The following AUTS2 variants were observed in gnomAD, a reference collection of about 807,000 sequenced individuals.
AUTS2 encodes the protein autism susceptibility gene 2 protein.
AUTS2 carries 17 observed loss-of-function variants against 112.4 expected under a neutral mutation model. That is an observed-to-expected ratio of 0.15 (90% CI 0.10 to 0.23). The LOEUF is 0.23. AUTS2 is among the 10% of genes least tolerant of loss of function. The pLI, the probability that AUTS2 is intolerant of heterozygous loss-of-function variation, is 1.00. For missense variants in AUTS2, 1,510 were observed against 1,701.6 expected (o/e 0.89, Z 1.98); for synonymous variants, 751 against 702.7 (o/e 1.07, Z -1.09).
chr7:70,216,046 A>G (rs533779686), intron 4 of AUTS2, among the ~76,000 whole-genome samples: 6 of 152,326 alleles, frequency 3.9e-5, no homozygotes, highest in South Asian at 4.1e-4. Context: ...TTGTAGCCCA[A>G]CTTTCTTTAG....
intron 5 of AUTS2, among the ~76,000 whole-genome samples, chr7:70,520,250 A>G (rs1799587514): frequency 6.6e-6 from 1 of 152,190 alleles, no homozygotes; most frequent in Admixed American, 6.5e-5. Flanking sequence ...ACACACACAC[A>G]TGAGCAAGCT....
chr7:70,209,050 G>A (rs1354614733), intron 4 of AUTS2, among the ~76,000 whole-genome samples: 1 of 152,148 alleles, frequency 6.6e-6, no homozygotes, highest in African/African-American at 2.4e-5. Context: ...ACTGTTGTGT[G>A]GAGAATATGC....
chr7:69,667,673 C>T (rs897254475), intron 1 of AUTS2, among the ~76,000 whole-genome samples: 2 of 152,102 alleles, frequency 1.3e-5, no homozygotes, highest in African/African-American at 4.8e-5. Flanking sequence ...AAGATTTTGA[C>T]AGTGGGGCTG....
intron 6 of AUTS2, among the ~76,000 whole-genome samples, chr7:70,759,429 C>T (rs1442813570): frequency 2.0e-5 from 3 of 152,204 alleles, no homozygotes; most frequent in Non-Finnish European, 4.4e-5. Flanking sequence ...AATCTAGAGC[C>T]GCATCCCAGA....
intron 1 of AUTS2, among the ~76,000 whole-genome samples, chr7:69,801,169 A>G (rs1209458199): frequency 6.6e-6 from 1 of 150,934 alleles, no homozygotes; most frequent in Non-Finnish European, 1.5e-5. Context: ...ACATTTTTTG[A>G]CTGAATAAAA....
chr7:70,100,329 A>G (rs1412636259), intron 2 of AUTS2, among the ~76,000 whole-genome samples: 5 of 152,182 alleles, frequency 3.3e-5, no homozygotes, highest in Admixed American at 2.0e-4. Flanking sequence ...TTATGAATAC[A>G]ACTTTAAGAG....
At chr7:69,961,813 C>T (rs1209302036) in intron 2 of AUTS2, among the ~76,000 whole-genome samples, 2 of 152,214 alleles carry the variant, frequency 1.3e-5, no homozygotes, top group African/African-American at 2.4e-5. Context: ...GTTTTCCTCC[C>T]TTTAATTTAA....
At position 69,967,643 on chromosome 7, in the gene AUTS2, A is replaced by G. The variant is rs142823622; in HGVS notation, c.522+68145A>G. Among the ~76,000 whole-genome samples, 14 of 152,296 alleles carry G rather than the reference A, an allele frequency of 9.2e-5. No individual in the cohort carries two copies. The East Asian group carries it at 2.5e-3, about 27-fold the overall frequency. On this transcript the variant is annotated intron_variant, in intron 2 of 18. Transcript: ENST00000342771. The stretch of plus-strand genomic sequence containing the variant: ...ATACTTGTCATCCTTTGGAAAACTC[A>G]GCATCGGAAAGAAGCCTTTGCTGAC...
At chr7:69,801,112 T>G (rs1230405165) in intron 1 of AUTS2, among the ~76,000 whole-genome samples, 1 of 151,830 alleles carries the variant, frequency 6.6e-6, no homozygotes, top group Non-Finnish European at 1.5e-5. Context: ...GCTCACCATT[T>G]CCTCATTGCT....
In AUTS2 at chr7:69,943,522, A is replaced by T. The variant is rs541061031; in HGVS notation, c.522+44024A>T. On this transcript the variant is annotated intron_variant, in intron 2 of 18. Coordinates refer to ENST00000342771, the MANE Select transcript of AUTS2 (RefSeq NM_015570.4). Reference sequence around the variant, plus strand: ...TTTCTAAATCAAAGCCATTTATTAAATACCTTAGTCATATTGATTCCTGTT... The same window carrying T: ...TTTCTAAATCAAAGCCATTTATTAATTACCTTAGTCATATTGATTCCTGTT... Among the ~76,000 whole-genome samples, 21 of 152,336 alleles carry T rather than the reference A, an allele frequency of 1.4e-4. No individual in the cohort carries two copies. The East Asian group carries it at 3.5e-3, about 25-fold the overall frequency.
chr7:69,951,690 G>T (rs1357325207), intron 2 of AUTS2, among the ~76,000 whole-genome samples: 1 of 152,166 alleles, frequency 6.6e-6, no homozygotes, highest in African/African-American at 2.4e-5. Context: ...ATTCCAAGAT[G>T]GCAGCTGGGT....
At chr7:70,684,832 C>T (rs1223116922) in intron 5 of AUTS2, among the ~76,000 whole-genome samples, 1 of 152,160 alleles carries the variant, frequency 6.6e-6, no homozygotes, top group Non-Finnish European at 1.5e-5. Flanking sequence ...GGAAGAAACT[C>T]TCCGTTACTC....
At chr7:69,846,670 T>C (rs1184243835) in intron 1 of AUTS2, among the ~76,000 whole-genome samples, 1 of 152,132 alleles carries the variant, frequency 6.6e-6, no homozygotes, top group Non-Finnish European at 1.5e-5. Context: ...ACCTCTTGGG[T>C]TCAAGTAATT....
At chr7:70,028,964 T>C (rs553075183) in intron 2 of AUTS2, among the ~76,000 whole-genome samples, 2 of 152,262 alleles carry the variant, frequency 1.3e-5, no homozygotes, top group South Asian at 2.1e-4. Flanking sequence ...TACATAGGAC[T>C]ACTGAGTAAT....
rs144477415 is a variant in AUTS2, at chr7:70,194,059, T to G, written c.660+59488T>G. On this transcript the variant is annotated intron_variant, in intron 4 of 18. Coordinates refer to ENST00000342771, the MANE Select transcript of AUTS2 (RefSeq NM_015570.4). ...CATGAAAAGATGATAAAGGAGACCA[T>G]CTCTTGGATCTGGAAAGTGCTGCGT... 7.2e-5 allele frequency among the ~76,000 whole-genome samples: 11 copies of G among 152,328 alleles called. No individual in the cohort carries two copies. The East Asian group carries it at 2.1e-3, about 29-fold the overall frequency.
intron 2 of AUTS2, among the ~76,000 whole-genome samples, chr7:70,023,802 C>T (rs1370669537): frequency 6.6e-6 from 1 of 152,068 alleles, no homozygotes; most frequent in Non-Finnish European, 1.5e-5. Flanking sequence ...CAAATCCAGG[C>T]CAAGCAAATA....
chr7:70,053,764 C>T (rs555051401), intron 2 of AUTS2, among the ~76,000 whole-genome samples: 36 of 152,136 alleles, frequency 2.4e-4, no homozygotes, highest in African/African-American at 8.2e-4. Context: ...AGGCTGGTCT[C>T]GAACTGGGCT....
chr7:69,884,145 T>TCA (rs1189236451), intron 1 of AUTS2, among the ~76,000 whole-genome samples: 1 of 152,222 alleles, frequency 6.6e-6, no homozygotes, highest in African/African-American at 2.4e-5. Context: ...GGTAGATACC[T>TCA]GTGAGGATGT....
chr7:70,590,571 G>A (rs942116267), intron 5 of AUTS2, among the ~76,000 whole-genome samples: 19 of 152,090 alleles, frequency 1.2e-4, no homozygotes, highest in African/African-American at 4.1e-4. Flanking sequence ...TCCCAAGCTC[G>A]TCCCTCCAGA....
Sources: allele counts gnomAD v4.1 joint callset (sites outside exome capture counted in the v4.1 genomes callset), GRCh38; gene constraint gnomAD v4.1.1; transcripts MANE v1.5; gene names NCBI Gene and HGNC (gene_info 2026-07-23, HGNC 2026-07-21).